APBA2: variants seen among roughly 807,000 people sequenced by gnomAD.
APBA2 encodes amyloid beta precursor protein binding family A member 2.
In APBA2, 30 loss-of-function variants were observed where a neutral mutation model predicts 75.0. That is an observed-to-expected ratio of 0.40 (90% CI 0.30 to 0.54). The LOEUF is 0.54. Among genes scored for constraint, APBA2 ranks in the 20% least tolerant of loss-of-function variants. APBA2 has a pLI of 0.49. For synonymous variants in APBA2, 444 were observed against 409.6 expected, an observed-to-expected ratio of 1.08 and a Z score of -1.01; for missense variants, 801 against 1,016.1, an observed-to-expected ratio of 0.79 and a Z score of 2.88.
rs377298730 is a variant in APBA2, at chr15:29,014,771, C to T, written c.-41+18965C>T. On this transcript the variant is annotated intron_variant, in intron 3 of 14. Transcript: ENST00000683413. ...TTATCCAGGCTGGAGTGCAGTGGTGCCATCATAGCTCACTGCAGCCTTGGA... is the reference window on the plus strand; with the variant it reads ...TTATCCAGGCTGGAGTGCAGTGGTGTCATCATAGCTCACTGCAGCCTTGGA... Among the ~76,000 whole-genome samples, 7 of 149,178 alleles carry T rather than the reference C, an allele frequency of 4.7e-5. No homozygotes were observed. The South Asian group carries it at 6.4e-4, about 14-fold the overall frequency.
intron 3 of APBA2, among the ~76,000 whole-genome samples, chr15:29,042,222 A>G (rs1474351782): frequency 6.6e-6 from 1 of 152,124 alleles, no homozygotes; most frequent in African/African-American, 2.4e-5. Flanking sequence ...GGCCTACGCA[A>G]ATTACTGTAT....
chr15:29,037,550 T>A (rs568086066), intron 3 of APBA2, among the ~76,000 whole-genome samples: 1 of 151,916 alleles, frequency 6.6e-6, no homozygotes, highest in Admixed American at 6.6e-5. Context: ...CTTTTGTGGG[T>A]GAGGACCTGA....
chr15:29,023,932 C>T (rs1157348465), intron 3 of APBA2, among the ~76,000 whole-genome samples: 5 of 146,040 alleles, frequency 3.4e-5, no homozygotes, highest in African/African-American at 1.0e-4. Flanking sequence ...GAGATACAGT[C>T]TCGCTCTGTT....
intron 4 of APBA2, among the ~76,000 whole-genome samples, chr15:29,064,591 G>A (rs1005245722): frequency 5.9e-5 from 9 of 152,178 alleles, no homozygotes; most frequent in African/African-American, 1.9e-4. Context: ...GAAGTCAGCC[G>A]ACAAGGTGGG....
intron 3 of APBA2, among the ~76,000 whole-genome samples, chr15:29,049,583 A>G (rs1443261069): frequency 1.3e-5 from 2 of 152,130 alleles, no homozygotes; most frequent in African/African-American, 2.4e-5. Context: ...TGTCATACCT[A>G]AAAAATACAG....
chr15:29,098,631 T>C (rs1263220725), intron 9 of APBA2, 55 bp downstream of exon 9: 8 of 1,413,664 alleles, frequency 5.7e-6, no homozygotes, highest in East Asian at 4.6e-5. Context: ...TTCGACTCCT[T>C]CTTGTCCCAT....
intron 2 of APBA2, among the ~76,000 whole-genome samples, chr15:28,960,735 G>A (rs2036422306): frequency 6.6e-6 from 1 of 151,624 alleles, no homozygotes; most frequent in Admixed American, 6.6e-5. Flanking sequence ...ACCCCTGGGA[G>A]AGGAACCAGG....
chr15:28,896,406 A>G (rs1033234350), intron 1 of APBA2, among the ~76,000 whole-genome samples: 56 of 152,128 alleles, frequency 3.7e-4, no homozygotes, highest in Admixed American at 1.2e-3. Context: ...CAGCCTCCCC[A>G]GCAGCTGGGA....
chr15:29,049,060 T>C (rs1312309039), intron 3 of APBA2, among the ~76,000 whole-genome samples: 1 of 152,150 alleles, frequency 6.6e-6, no homozygotes, highest in Admixed American at 6.5e-5. Context: ...AGATGGTTGG[T>C]CACTGTAAAA....
At chr15:29,002,495 G>A (rs2038900514) in intron 3 of APBA2, among the ~76,000 whole-genome samples, 1 of 151,740 alleles carries the variant, frequency 6.6e-6, no homozygotes, top group African/African-American at 2.4e-5. Context: ...AGTGGTGGCT[G>A]TTACCATCTC....
chr15:29,001,541 T>C (rs2038845508), intron 3 of APBA2, among the ~76,000 whole-genome samples: 3 of 152,194 alleles, frequency 2.0e-5, no homozygotes, highest in African/African-American at 7.2e-5. Flanking sequence ...CACCTTCCCA[T>C]CTGCAAAGTG....
chr15:29,101,730 C>T lies in APBA2; in HGVS notation c.1470C>T (p.Ala490=). Residue 490 remains alanine, a synonymous_variant, in exon 10 of 15, where the codon GCC becomes GCT. Coordinates refer to ENST00000683413, the MANE Select transcript of APBA2 (RefSeq NM_001353788.2). ...ACTGCATCGAGACCACGCCCGGGGC[C>T]CAGGAAGGCAAGAAGCAGTATAAGA... is the stretch of plus-strand genomic sequence containing the variant. The part of the protein sequence containing the change: ...SQDCIETTPG[A]QEGKKQYKMI... 1 of 1,613,622 alleles carries T rather than the reference C, an allele frequency of 6.2e-7. No homozygotes were observed. The highest frequency in any genetic ancestry group is 2.2e-5 in the East Asian group (1 of 44,878).
intron 8 of APBA2, 68 bp downstream of exon 8, chr15:29,094,381 TG>T (rs141284660): frequency 6.8e-7 from 1 of 1,472,324 alleles, no homozygotes; most frequent in Non-Finnish European, 9.5e-7. Context: ...TCCTGGGCAG[TG>T]GGGGCTGGGG....
intron 1 of APBA2, among the ~76,000 whole-genome samples, chr15:28,906,877 G>C (rs1011976462): frequency 6.6e-6 from 1 of 151,824 alleles, no homozygotes; most frequent in African/African-American, 2.4e-5. Context: ...GGTGTTCTTG[G>C]TACATAGGGT....
intron 2 of APBA2, among the ~76,000 whole-genome samples, chr15:28,946,055 T>C (rs2035533832): frequency 6.6e-6 from 1 of 152,226 alleles, no homozygotes. Context: ...GCATTCTTCA[T>C]GCATGTGTCT....
chr15:28,941,243 T>C lies in APBA2; in HGVS notation c.-95+19494T>C, dbSNP rs543064014. ...TCTGTGTCTGAAGCGTCTCAGCACA[T>C]CTGAATTCACAAGCTGGGCGCTGGT... On this transcript the variant is annotated intron_variant, in intron 2 of 14. Transcript: ENST00000683413. Among the ~76,000 whole-genome samples, 19 of 152,242 alleles carry C rather than the reference T, an allele frequency of 1.2e-4. No individual in the cohort carries two copies. In the South Asian group the frequency reaches 3.9e-3, roughly 32 times the overall value.
chr15:29,033,454 A>G (rs1272961314), intron 3 of APBA2, among the ~76,000 whole-genome samples: 1 of 152,170 alleles, frequency 6.6e-6, no homozygotes, highest in Non-Finnish European at 1.5e-5. Context: ...TTATGGGCAC[A>G]GTCTTCCACA....
chr15:29,045,091 C>CTG (rs2041248300), intron 3 of APBA2, among the ~76,000 whole-genome samples: 1 of 110,606 alleles, frequency 9.0e-6, no homozygotes, highest in South Asian at 2.5e-4. Flanking sequence ...CTCTCTCTCT[C>CTG]TCTCTCTCTC....
chr15:29,004,101 T>A (rs1472647242), intron 3 of APBA2, among the ~76,000 whole-genome samples: 1 of 152,164 alleles, frequency 6.6e-6, no homozygotes, highest in Non-Finnish European at 1.5e-5. Flanking sequence ...TGTAGCATGC[T>A]CCACACCTGC....
Sources: allele counts gnomAD v4.1 joint callset (sites outside exome capture counted in the v4.1 genomes callset), GRCh38; gene constraint gnomAD v4.1.1; transcripts MANE v1.5; gene names NCBI Gene and HGNC (gene_info 2026-07-23, HGNC 2026-07-21).